Variants in POU2F3 observed in about 807,000 individuals in gnomAD.
POU2F3 encodes the protein POU class 2 homeobox 3.
A neutral mutation model predicts 59.2 loss-of-function variants in POU2F3; 23 were observed. The ratio of observed to expected loss-of-function variants is 0.39; its 90% confidence interval spans 0.28 to 0.55. The LOEUF is 0.55. POU2F3 is among the 20% of genes least tolerant of loss of function. The probability of loss-of-function intolerance (pLI) is 0.66; values close to 1 mark genes in which losing one functional copy is unlikely to be tolerated. For synonymous variants in POU2F3, 190 were observed against 214.6 expected, an observed-to-expected ratio of 0.89 and a Z score of 1.00; for missense variants, 473 against 544.5, an observed-to-expected ratio of 0.87 and a Z score of 1.31.
intron 3 of POU2F3, among the ~76,000 whole-genome samples, chr11:120,272,727 G>A (rs1940130768): frequency 6.6e-6 from 1 of 152,252 alleles, no homozygotes; most frequent in Middle Eastern, 3.4e-3. Context: ...GAGTCTGTCT[G>A]GGGGAAAAGG....
chr11:120,274,108 AAAGGAAGGAAGGAAGGAAGG>A (rs58202053), intron 3 of POU2F3, among the ~76,000 whole-genome samples: 46 of 116,228 alleles, frequency 4.0e-4, no homozygotes, highest in Admixed American at 2.4e-3. Context: ...AGGAAGGAAG[AAAGGAAGGAAGGAAGGAAGG>A]AAGGAAGGAA....
intron 3 of POU2F3, among the ~76,000 whole-genome samples, chr11:120,274,823 G>A (rs1940254499): frequency 6.6e-6 from 1 of 152,208 alleles, no homozygotes; most frequent in Non-Finnish European, 1.5e-5. Flanking sequence ...TAAGGGACAG[G>A]CTGAGGAGTG....
chr11:120,305,116 C>G lies in POU2F3; in HGVS notation c.531C>G (p.Pro177=). 1 of 1,613,986 alleles carries G rather than the reference C, an allele frequency of 6.2e-7. No individual in the cohort carries two copies. The highest frequency in any genetic ancestry group is 1.3e-5 in the African/African-American group (1 of 74,960). The change falls in exon 7 of 13, where the codon CCC becomes CCG. Residue 177 remains proline, a synonymous_variant. Transcript: ENST00000543440. ...SQHLPVPKHL[P]SSGGADEPSD... is the part of the protein sequence containing the mutation. Reference sequence around the variant, plus strand: ...ATCTCCCAGTGCCCAAGCATCTACCCAGCTCTGGAGGGGCCGATGAGCCCA... The same window carrying G: ...ATCTCCCAGTGCCCAAGCATCTACCGAGCTCTGGAGGGGCCGATGAGCCCA...
At chr11:120,260,817 C>T (rs1251762905) in intron 2 of POU2F3, among the ~76,000 whole-genome samples, 1 of 152,154 alleles carries the variant, frequency 6.6e-6, no homozygotes, top group Non-Finnish European at 1.5e-5. Context: ...CCTGTAATCC[C>T]AGCACTTTGG....
chr11:120,292,083 C>T (rs888583469), intron 3 of POU2F3, among the ~76,000 whole-genome samples: 8 of 152,170 alleles, frequency 5.3e-5, no homozygotes, highest in South Asian at 2.1e-4. Context: ...GCTGGGATTA[C>T]ATGTGTGAGC....
chr11:120,271,806 T>C (rs1011933739), intron 3 of POU2F3, among the ~76,000 whole-genome samples: 5 of 152,152 alleles, frequency 3.3e-5, no homozygotes, highest in Non-Finnish European at 5.9e-5. Flanking sequence ...TGGATGAGCC[T>C]TGTGGGGTGA....
At chr11:120,264,554 A>G (rs944198883) in intron 2 of POU2F3, among the ~76,000 whole-genome samples, 1 of 152,200 alleles carries the variant, frequency 6.6e-6, no homozygotes, top group Non-Finnish European at 1.5e-5. Flanking sequence ...AGTCCCCAAC[A>G]CAAGATCAGA....
intron 1 of POU2F3, among the ~76,000 whole-genome samples, 191 bp downstream of exon 1, chr11:120,240,562 A>G (rs1286685651): frequency 2.0e-5 from 3 of 149,116 alleles, no homozygotes; most frequent in Admixed American, 1.3e-4. Context: ...ATCTGGGATA[A>G]GAAACCCTGG....
At chr11:120,260,786 A>G (rs1591385701) in intron 2 of POU2F3, among the ~76,000 whole-genome samples, 1 of 152,166 alleles carries the variant, frequency 6.6e-6, no homozygotes, top group South Asian at 2.1e-4. Flanking sequence ...GAGATGCCAG[A>G]ACCTCGCACG....
chr11:120,275,549 C>A (rs1001717983), intron 3 of POU2F3, among the ~76,000 whole-genome samples: 1 of 152,196 alleles, frequency 6.6e-6, no homozygotes, highest in Non-Finnish European at 1.5e-5. Context: ...CCTCATCTTC[C>A]AGGGCCATGG....
In POU2F3 at chr11:120,240,234, C is replaced by G; in HGVS notation, c.-110C>G. ...ACGGCTCCGGCAGCGGCTCCCGCGG[C>G]GGCGGCGGCCGGGAACTGGAGGAAG... On this transcript the variant is annotated 5_prime_UTR_variant, in exon 1 of 13. Coordinates refer to ENST00000543440, the MANE Select transcript of POU2F3 (RefSeq NM_014352.4). The G allele has an allele frequency of 8.0e-7, 1 of 1,248,128 alleles. No individual in the cohort carries two copies. The highest frequency in any genetic ancestry group is 1.0e-6 in the Non-Finnish European group (1 of 989,548). 77.3% of individuals were successfully genotyped at this position (1,248,128 alleles called of 1,614,324 possible).
chr11:120,242,914 GGC>G (rs1049934899), intron 1 of POU2F3, among the ~76,000 whole-genome samples: 1 of 152,106 alleles, frequency 6.6e-6, no homozygotes, highest in African/African-American at 2.4e-5. Context: ...CAGCTAGGGA[GGC>G]AGATAAGAGA....
intron 8 of POU2F3, among the ~76,000 whole-genome samples, chr11:120,306,768 G>T (rs551622312): frequency 2.5e-4 from 38 of 152,282 alleles, no homozygotes; most frequent in Non-Finnish European, 4.9e-4. Flanking sequence ...ATACGGAAGG[G>T]CCTCCACACG....
intron 4 of POU2F3, among the ~76,000 whole-genome samples, chr11:120,299,334 G>C (rs148578185): frequency 1.3e-5 from 2 of 152,224 alleles, no homozygotes; most frequent in Non-Finnish European, 2.9e-5. Flanking sequence ...GCATTTTATA[G>C]TCTAGTTGGG....
intron 2 of POU2F3, among the ~76,000 whole-genome samples, chr11:120,255,340 AAAGGAACGAAAAATCG>A (rs1036415464): frequency 3.3e-5 from 5 of 152,048 alleles, no homozygotes; most frequent in Admixed American, 2.0e-4. Flanking sequence ...TGGGCTGGAA[AAAGGAACGAAAAATCG>A]AAGCCGGGGA....
chr11:120,286,213 T>C (rs942581034), intron 3 of POU2F3, among the ~76,000 whole-genome samples: 1 of 152,192 alleles, frequency 6.6e-6, no homozygotes, highest in African/African-American at 2.4e-5. Flanking sequence ...TAATCTTACT[T>C]TTCCATTCCC....
At chr11:120,315,865 C>CTTT (rs34115412) in intron 11 of POU2F3, among the ~76,000 whole-genome samples, 2 of 73,028 alleles carry the variant, frequency 2.7e-5, no homozygotes, top group Non-Finnish European at 2.6e-5. Flanking sequence ...CTTCCTTCCA[C>CTTT]TTTTTTTTTT....
intron 3 of POU2F3, among the ~76,000 whole-genome samples, chr11:120,294,002 A>T (rs1006451353): frequency 1.3e-5 from 2 of 152,150 alleles, no homozygotes; most frequent in African/African-American, 4.8e-5. Context: ...CCTCTGTGAG[A>T]TGGAAGGGTG....
intron 2 of POU2F3, among the ~76,000 whole-genome samples, chr11:120,249,237 A>G (rs1007586265): frequency 7.9e-5 from 12 of 152,210 alleles, no homozygotes; most frequent in African/African-American, 2.9e-4. Context: ...AGCACAAGGG[A>G]CCAGCCAAAG....
Sources: gnomAD v4.1 joint callset for allele counts (sites outside exome capture counted in the v4.1 genomes callset) on GRCh38, gnomAD v4.1.1 for gene constraint, MANE v1.5 for transcripts, NCBI Gene and HGNC (gene_info 2026-07-23, HGNC 2026-07-21) for gene names.